CHST11: variants seen among roughly 807,000 people sequenced by gnomAD.
CHST11 encodes C4S-1.
Under a neutral mutation model 30.4 loss-of-function variants are expected in CHST11, and 9 were observed. The observed-to-expected ratio is 0.30, with a 90% CI of 0.18 to 0.52. CHST11 has a LOEUF of 0.52. CHST11 is among the 20% of genes least tolerant of loss of function. CHST11 has a pLI of 0.97. For synonymous variants in CHST11, 152 were observed against 187.8 expected (o/e 0.81, Z 1.56); for missense variants, 348 against 460.6 (o/e 0.76, Z 2.24).
intron 2 of CHST11, among the ~76,000 whole-genome samples, chr12:104,630,467 C>T (rs922889892): frequency 9.9e-5 from 15 of 152,166 alleles, no homozygotes; most frequent in African/African-American, 2.9e-4. Flanking sequence ...AATCTCCAGC[C>T]GAGCCAGTGG....
chr12:104,757,399 C>G lies in CHST11; in HGVS notation c.655C>G (p.Arg219Gly). 1.2e-6 allele frequency: 2 copies of G among 1,614,106 alleles called. No homozygotes were observed. Among genetic ancestry groups the G allele is most frequent in the Middle Eastern group, 1.6e-4 (1 of 6,062 alleles). ...HKRYGTKIIK[R>G]QRKNATQEAL... The stretch of plus-strand genomic sequence containing the variant: ...GCGGTACGGCACCAAGATCATCAAA[C>G]GCCAGCGGAAGAACGCCACCCAGGA... Residue 219 changes from arginine to glycine, a missense_variant, in exon 3 of 3, where the codon CGC becomes GGC. By Grantham distance (125) the Arg-to-Gly change is moderately radical (BLOSUM62 -2). This residue lies in a region of CHST11 where 210 missense variants were observed against 287.2 expected (regional missense o/e 0.73). Coordinates refer to ENST00000303694, the MANE Select transcript of CHST11 (RefSeq NM_018413.6). This position sits in a 1 kb window ranked among gnomAD's most constrained non-coding sequence, Gnocchi z 6.5.
Position 104,729,785 on chromosome 12 carries a change from A to C in CHST11, c.205-27164A>C, listed in dbSNP as rs1178678134. On this transcript the variant is annotated intron_variant, in intron 2 of 2. Coordinates refer to ENST00000303694, the MANE Select transcript of CHST11 (RefSeq NM_018413.6). The surrounding 1 kb of genome is among the most constrained non-coding windows in gnomAD (Gnocchi z 4.0). Reference sequence around the variant, plus strand: ...ATGGCGCTGGGGCAGAGGTCTGCGGAGAGTAGGTTGGGTTTAGAAAAATGA... The same window carrying C: ...ATGGCGCTGGGGCAGAGGTCTGCGGCGAGTAGGTTGGGTTTAGAAAAATGA... Among the ~76,000 whole-genome samples, 1 of 152,036 alleles carries C rather than the reference A, an allele frequency of 6.6e-6. No homozygotes were observed.
intron 2 of CHST11, among the ~76,000 whole-genome samples, chr12:104,698,021 G>A (rs935764214): frequency 1.3e-5 from 2 of 152,188 alleles, no homozygotes; most frequent in Non-Finnish European, 2.9e-5. Flanking sequence ...TCTCTTGCCT[G>A]GATGGGTGCC....
chr12:104,691,398 T>C (rs1363862343), intron 2 of CHST11, among the ~76,000 whole-genome samples: 1 of 151,554 alleles, frequency 6.6e-6, no homozygotes, highest in African/African-American at 2.4e-5. Flanking sequence ...CAAAGCATGC[T>C]ACCCACACCA....
At chr12:104,713,141 G>A (rs2040101524) in intron 2 of CHST11, among the ~76,000 whole-genome samples, 1 of 152,300 alleles carries the variant, frequency 6.6e-6, no homozygotes, top group African/African-American at 2.4e-5. Context: ...TGAATGCCTT[G>A]TAACCCAGCC....
At chr12:104,544,099 G>A (rs1305963306) in intron 1 of CHST11, among the ~76,000 whole-genome samples, 6 of 143,916 alleles carry the variant, frequency 4.2e-5, no homozygotes, top group Non-Finnish European at 7.5e-5. Context: ...ACTCCAGCCT[G>A]GGCAACAGAG....
chr12:104,575,842 G>A (rs1303436910), intron 1 of CHST11, among the ~76,000 whole-genome samples: 1 of 151,960 alleles, frequency 6.6e-6, no homozygotes, highest in East Asian at 2.0e-4. Context: ...TGCTTATCGG[G>A]GTATTCCTTG....
At chr12:104,469,801 C>A (rs563790161) in intron 1 of CHST11, among the ~76,000 whole-genome samples, 1 of 152,166 alleles carries the variant, frequency 6.6e-6, no homozygotes, top group African/African-American at 2.4e-5. Flanking sequence ...GGGCTAGGCC[C>A]GGCATTCTTC....
Position 104,759,653 on chromosome 12 carries a change from A to G in CHST11, c.*1850A>G, listed in dbSNP as rs531622042. 14 of 152,256 alleles carry G rather than the reference A, an allele frequency of 9.2e-5. No homozygotes were observed. Among genetic ancestry groups the G allele is most frequent in the African/African-American group, 3.1e-4 (13 of 41,554 alleles). 9.4% of individuals were successfully genotyped at this position (152,256 alleles called of 1,614,324 possible). On this transcript the variant is annotated 3_prime_UTR_variant, in exon 3 of 3. Coordinates refer to ENST00000303694, the MANE Select transcript of CHST11 (RefSeq NM_018413.6). Reference sequence around the variant, plus strand: ...AGCAGCTGCAACATCTCACCGGGGAAATTATTTTATTTAACGTGAGTGAGA... The same window carrying G: ...AGCAGCTGCAACATCTCACCGGGGAGATTATTTTATTTAACGTGAGTGAGA...
At chr12:104,492,823 G>A (rs997739927) in intron 1 of CHST11, among the ~76,000 whole-genome samples, 25 of 152,312 alleles carry the variant, frequency 1.6e-4, no homozygotes, top group African/African-American at 5.5e-4. Flanking sequence ...CACGAGGTCA[G>A]CAGTTTGAGA....
At chr12:104,461,627 G>A (rs1370941252) in intron 1 of CHST11, among the ~76,000 whole-genome samples, 1 of 152,206 alleles carries the variant, frequency 6.6e-6, no homozygotes, top group Non-Finnish European at 1.5e-5. Context: ...GAAGCCTTCA[G>A]AGGAGAAAGC....
intron 2 of CHST11, among the ~76,000 whole-genome samples, chr12:104,622,229 A>T (rs886670923): frequency 6.6e-6 from 1 of 152,220 alleles, no homozygotes; most frequent in Non-Finnish European, 1.5e-5. Context: ...GTACATATTC[A>T]TAAGAACTCT....
chr12:104,586,397 T>C (rs1650138), intron 1 of CHST11, among the ~76,000 whole-genome samples: 131,841 of 152,252 alleles, frequency 0.87, 57,302 homozygotes, highest in East Asian at 1. Flanking sequence ...GTGGGGTTGC[T>C]GGGCACAGTC....
chr12:104,457,790 T>TG (rs2135945567), intron 1 of CHST11, among the ~76,000 whole-genome samples: 1 of 148,158 alleles, frequency 6.7e-6, no homozygotes, highest in East Asian at 1.9e-4. Flanking sequence ...CGGTAGTTTT[T>TG]TTTTTTTTTT....
chr12:104,757,205 A>G lies in CHST11; in HGVS notation c.461A>G (p.Glu154Gly). ...GACCCCATGGAGATCCCGGCCAACGAGGCACACGTCTCCGCCAACCTGAAG... is the reference window on the plus strand; with the variant it reads ...GACCCCATGGAGATCCCGGCCAACGGGGCACACGTCTCCGCCAACCTGAAG... ...YSDPMEIPAN[E>G]AHVSANLKTL... Residue 154 changes from glutamate (E) to glycine (G), a missense_variant, in exon 3 of 3, where the codon GAG becomes GGG. By Grantham distance (98) the Glu-to-Gly change is moderately conservative. Around this residue, in one of 3 missense-constraint regions of CHST11, gnomAD observed 210 missense variants for 287.2 expected, o/e 0.73. Coordinates refer to ENST00000303694, the MANE Select transcript of CHST11 (RefSeq NM_018413.6). The surrounding 1 kb of genome is among the most constrained non-coding windows in gnomAD (Gnocchi z 6.5). 1 of 1,614,136 alleles carries G rather than the reference A, an allele frequency of 6.2e-7. No homozygotes were observed. The highest frequency in any genetic ancestry group is 1.1e-5 in the South Asian group (1 of 91,088).
intron 2 of CHST11, among the ~76,000 whole-genome samples, chr12:104,712,161 T>C (rs2040093733): frequency 6.6e-6 from 1 of 152,150 alleles, no homozygotes; most frequent in Admixed American, 6.5e-5. Flanking sequence ...TGACACCAAC[T>C]GTACCATTTG....
At chr12:104,551,679 C>A (rs1292648626) in intron 1 of CHST11, among the ~76,000 whole-genome samples, 1 of 152,148 alleles carries the variant, frequency 6.6e-6, no homozygotes, top group Non-Finnish European at 1.5e-5. Context: ...GGAGGCCTAA[C>A]AAGTGTGAAG....
intron 1 of CHST11, among the ~76,000 whole-genome samples, chr12:104,489,620 A>G (rs543015568): frequency 1.3e-5 from 2 of 152,278 alleles, no homozygotes; most frequent in South Asian, 4.1e-4. Flanking sequence ...CTGGGACTAC[A>G]GGCATGCACC....
intron 1 of CHST11, among the ~76,000 whole-genome samples, chr12:104,507,554 G>A (rs1244133703): frequency 1.3e-5 from 2 of 152,148 alleles, no homozygotes; most frequent in Non-Finnish European, 1.5e-5. Context: ...ATCAGTTATT[G>A]CCACCACAAT....
Sources: allele counts gnomAD v4.1 joint callset (sites outside exome capture counted in the v4.1 genomes callset), GRCh38; gene constraint gnomAD v4.1.1; regional missense constraint gnomAD v4.1.1; non-coding constraint Gnocchi (gnomAD v3.1); transcripts MANE v1.5; gene names NCBI Gene and HGNC (gene_info 2026-07-23, HGNC 2026-07-21).